CACNA1C: variants seen among roughly 807,000 people sequenced by gnomAD.
CACNA1C encodes the protein voltage-dependent L-type calcium channel subunit alpha-1C.
CACNA1C carries 30 observed loss-of-function variants against 229.0 expected under a neutral mutation model. The ratio of observed to expected loss-of-function variants is 0.13; its 90% CI spans 0.10 to 0.18. CACNA1C has a LOEUF of 0.18. CACNA1C is among the 10% of genes least tolerant of loss of function. The probability of loss-of-function intolerance (pLI) is 1.00; values close to 1 mark genes in which losing one functional copy is unlikely to be tolerated. For missense variants in CACNA1C, 1,658 were observed against 2,845.0 expected (o/e 0.58, Z 9.49); for synonymous variants, 1,114 against 1,132.5 (o/e 0.98, Z 0.33).
intron 1 of CACNA1C, among the ~76,000 whole-genome samples, chr12:2,060,461 C>G (rs372075995): frequency 1.3e-5 from 2 of 152,206 alleles, no homozygotes; most frequent in African/African-American, 4.8e-5. Context: ...GTAGACTCAG[C>G]CCATGGAAGA....
intron 3 of CACNA1C, among the ~76,000 whole-genome samples, chr12:2,154,437 G>A (rs565282531): frequency 5.3e-5 from 8 of 152,202 alleles, no homozygotes; most frequent in African/African-American, 7.2e-5. Context: ...CATCGTGGTC[G>A]TGGCCAGCTG....
chr12:2,485,077 G>C (rs554950508), intron 5 of CACNA1C, among the ~76,000 whole-genome samples: 1 of 152,184 alleles, frequency 6.6e-6, no homozygotes, highest in Non-Finnish European at 1.5e-5. Flanking sequence ...GTGGATGAAT[G>C]TGAGGGTGAG....
chr12:1,999,214 T>C (rs930076050), intron 1 of CACNA1C, among the ~76,000 whole-genome samples: 2 of 152,196 alleles, frequency 1.3e-5, no homozygotes, highest in Admixed American at 6.5e-5. Flanking sequence ...TTCTGATGTA[T>C]GCTAGTTTGA....
intron 1 of CACNA1C, among the ~76,000 whole-genome samples, chr12:2,006,071 G>A (rs2470412): frequency 1 from 151,950 of 152,352 alleles, 75,774 homozygotes; most frequent in Middle Eastern, 1. Context: ...ATATAGGTGG[G>A]TATAACTCAC....
At chr12:2,183,839 TC>T (rs1484017929) in intron 3 of CACNA1C, among the ~76,000 whole-genome samples, 22 of 152,366 alleles carry the variant, frequency 1.4e-4, no homozygotes, top group African/African-American at 4.8e-4. Flanking sequence ...CAGCTCTGTC[TC>T]TAGAGGTTCT....
intron 1 of CACNA1C, among the ~76,000 whole-genome samples, chr12:1,973,492 T>C (rs2033208481): frequency 6.6e-6 from 1 of 152,226 alleles, no homozygotes; most frequent in African/African-American, 2.4e-5. Context: ...AATTTATTAC[T>C]TTCCCAGTAA....
intron 9 of CACNA1C, among the ~76,000 whole-genome samples, chr12:2,516,967 C>T (rs935760915): frequency 6.6e-6 from 1 of 152,162 alleles, no homozygotes; most frequent in East Asian, 1.9e-4. Context: ...AGTCCTAGCC[C>T]TACTGATGTT....
intron 3 of CACNA1C, among the ~76,000 whole-genome samples, chr12:2,187,449 G>A (rs1302729637): frequency 1.3e-5 from 2 of 152,212 alleles, no homozygotes; most frequent in African/African-American, 4.8e-5. Flanking sequence ...GAGAGGCTGA[G>A]GCAGCAAGGG....
At chr12:2,207,501 T>G (rs1295399877) in intron 3 of CACNA1C, among the ~76,000 whole-genome samples, 2 of 152,176 alleles carry the variant, frequency 1.3e-5, no homozygotes, top group Non-Finnish European at 2.9e-5. Flanking sequence ...TGCATTATAA[T>G]TTTTCTTATT....
intron 3 of CACNA1C, among the ~76,000 whole-genome samples, chr12:2,276,095 A>AT (rs1034539145): frequency 9.9e-5 from 15 of 151,304 alleles, no homozygotes; most frequent in African/African-American, 3.7e-4. Flanking sequence ...TTTTCCTAAT[A>AT]TTTTTTACCC....
Position 2,518,607 on chromosome 12 carries a change from C to CA in CACNA1C, c.1390+5640dup, listed in dbSNP as rs749239155. On this transcript the variant is annotated intron_variant, in intron 9 of 46. Transcript: ENST00000399655. ...TGGGCGACAGAGCCAGACGCTGTCT[C>CA]AAAAAAAAAAAAAAAAATCAGTACG... Among the ~76,000 whole-genome samples, 1,026 of 102,834 alleles carry CA rather than the reference C, an allele frequency of 1.0e-2. 9 individuals are homozygous for CA. The highest frequency in any genetic ancestry group is 0.024 in the African/African-American group (646 of 26,882). The allele number at this position is 102,834 out of a possible 152,430, so 67.5% of individuals were successfully genotyped here. A position where few individuals can be genotyped will look rare whatever the true frequency, so the allele number is the denominator to read the frequency against.
intron 3 of CACNA1C, among the ~76,000 whole-genome samples, chr12:2,156,183 AATG>A (rs570720682): frequency 7.9e-5 from 12 of 152,248 alleles, no homozygotes; most frequent in Non-Finnish European, 1.5e-4. Flanking sequence ...AAGGTCAAGA[AATG>A]ATGATCGCAA....
chr12:2,281,055 G>A (rs1039710861), intron 3 of CACNA1C, among the ~76,000 whole-genome samples: 14 of 152,036 alleles, frequency 9.2e-5, no homozygotes, highest in Non-Finnish European at 1.8e-4. Context: ...TTGGTGTGCT[G>A]CACCCAGTAA....
intron 1 of CACNA1C, among the ~76,000 whole-genome samples, chr12:2,046,559 G>C (rs1594314257): frequency 6.6e-6 from 1 of 152,304 alleles, no homozygotes; most frequent in East Asian, 1.9e-4. Flanking sequence ...CCCACCGGGA[G>C]AGCCAGTCCC....
chr12:2,642,289 T>G (rs555754396), intron 30 of CACNA1C, among the ~76,000 whole-genome samples: 1 of 152,274 alleles, frequency 6.6e-6, no homozygotes, highest in Admixed American at 6.5e-5. Flanking sequence ...TTTCCTGTTC[T>G]CATCTTATCA....
In CACNA1C at chr12:2,646,517, CAGG is replaced by C. The variant is rs2094366242; in HGVS notation, c.3913-1955_3913-1953del. Reference sequence around the variant, plus strand: ...CTTCCTGGGAGCTCTGCCCAACACTCAGGAGTTAACATGGTGTAGGTTACCTCC... The same window carrying C: ...CTTCCTGGGAGCTCTGCCCAACACTCAGTTAACATGGTGTAGGTTACCTCC... On this transcript the variant is annotated intron_variant, in intron 30 of 46. Transcript: ENST00000399655. This position sits in a 1 kb window ranked among gnomAD's most constrained non-coding sequence, Gnocchi z 4.6. The C allele has an allele frequency of 6.6e-6, 1 of 152,186 alleles. No homozygotes were observed. The highest frequency in any genetic ancestry group is 2.4e-5 in the African/African-American group (1 of 41,426). The allele number at this position is 152,186 out of a possible 1,614,324, so 9.4% of individuals were successfully genotyped here.
intron 9 of CACNA1C, among the ~76,000 whole-genome samples, chr12:2,544,200 C>T (rs546064781): frequency 1.6e-4 from 24 of 151,982 alleles, no homozygotes; most frequent in Non-Finnish European, 1.8e-4. Flanking sequence ...ACACTTTGTA[C>T]CTTAAAGATG....
intron 3 of CACNA1C, among the ~76,000 whole-genome samples, chr12:2,147,462 G>A (rs1294271025): frequency 2.0e-5 from 3 of 151,310 alleles, no homozygotes; most frequent in Non-Finnish European, 4.4e-5. Context: ...TAGCTTTATT[G>A]GTATTGGGGC....
intron 3 of CACNA1C, among the ~76,000 whole-genome samples, chr12:2,176,426 C>T (rs1217018834): frequency 6.6e-6 from 1 of 152,090 alleles, no homozygotes; most frequent in Non-Finnish European, 1.5e-5. Context: ...TATAGTCTGA[C>T]TCACGTTTTT....
Sources: gnomAD v4.1 joint callset for allele counts (sites outside exome capture counted in the v4.1 genomes callset) on GRCh38, gnomAD v4.1.1 for gene constraint, Gnocchi (gnomAD v3.1) non-coding constraint, MANE v1.5 for transcripts, NCBI Gene and HGNC (gene_info 2026-07-23, HGNC 2026-07-21) for gene names.